Variants in SIX5 observed in about 807,000 individuals in gnomAD.
The protein encoded by SIX5 is homeobox protein SIX5.
In SIX5, 21 loss-of-function variants were observed where a neutral mutation model predicts 37.1. That is an observed-to-expected ratio of 0.57 (90% CI 0.40 to 0.81). SIX5 has a LOEUF of 0.81. Among genes scored for constraint, SIX5 ranks in the 40% least tolerant of loss-of-function variants. The pLI is 0.00. For missense variants in SIX5, 1,137 were observed against 1,025.1 expected, an observed-to-expected ratio of 1.11 and a Z score of -1.49; for synonymous variants, 626 against 505.9, an observed-to-expected ratio of 1.24 and a Z score of -3.19.
In SIX5 at chr19:45,765,871, A is replaced by T; in HGVS notation, c.1850T>A (p.Leu617His). The change falls in exon 3 of 3, where the codon CTT becomes CAT. Residue 617 changes from leucine (L) to histidine (H), a missense_variant. Transcript: ENST00000317578. ...ALPEAHALGT[L>H]SAQQPPPAAA... ...GGCGGGGGGTGGCTGCTGTGCAGAA[A>T]GGGTGCCTAGGGCGTGAGCCTCTGG... The T allele has an allele frequency of 2.5e-6, 4 of 1,595,806 alleles. No homozygotes were observed. Among genetic ancestry groups the T allele is most frequent in the Non-Finnish European group, 3.4e-6 (4 of 1,175,550 alleles).
In SIX5 at chr19:45,765,257, T is replaced by C. The variant is rs934178908; in HGVS notation, c.*244A>G. 3 of 606,750 alleles carry C rather than the reference T, an allele frequency of 4.9e-6. No individual in the cohort carries two copies. Among genetic ancestry groups the C allele is most frequent in the South Asian group, 3.7e-5 (2 of 54,738 alleles). The allele number at this position is 606,750 out of a possible 1,614,324, so 37.6% of individuals were successfully genotyped here. A position where few individuals can be genotyped will look rare whatever the true frequency, so the allele number is the denominator to read the frequency against. ...CAGGACCCTGAGTCCCCCACGTATA[T>C]GGCAGGGCACAGCATGGGGAGGGCT... On this transcript the variant is annotated 3_prime_UTR_variant, in exon 3 of 3. Transcript: ENST00000317578.
chr19:45,769,173 G>A lies in SIX5; in HGVS notation c.-329C>T, dbSNP rs1969171561. On this transcript the variant is annotated 5_prime_UTR_variant, in exon 1 of 3. Transcript: ENST00000317578. Reference sequence around the variant, plus strand: ...ATCGGGACAACGCAGAAGGTAACGGGCCGTCCAGGAGGACTAAGGGCGCGA... The same window carrying A: ...ATCGGGACAACGCAGAAGGTAACGGACCGTCCAGGAGGACTAAGGGCGCGA... 5.8e-6 allele frequency: 2 copies of A among 343,224 alleles called. No homozygotes were observed. The highest frequency in any genetic ancestry group is 4.5e-5 in the Admixed American group (1 of 22,016). The allele number at this position is 343,224 out of a possible 1,614,324, so 21.3% of individuals were successfully genotyped here.
In SIX5 at chr19:45,765,080, C is replaced by T. The variant is rs981162538; in HGVS notation, c.*421G>A. ...CTGCCTGTCCTCCACCTTCGGATTC[C>T]AGGCAGTTGTGACAACACCAGCTAT... On this transcript the variant is annotated 3_prime_UTR_variant, in exon 3 of 3. Transcript: ENST00000317578. 8.5e-6 allele frequency: 2 copies of T among 234,816 alleles called. No homozygotes were observed. Among genetic ancestry groups the T allele is most frequent in the African/African-American group, 4.4e-5 (2 of 45,182 alleles). 14.5% of individuals were successfully genotyped at this position (234,816 alleles called of 1,614,324 possible). A position where few individuals can be genotyped will look rare whatever the true frequency, so the allele number is the denominator to read the frequency against.
rs539885036 is a variant in SIX5 at position 45,766,269 on chromosome 19, C to T, written c.1609+81G>A. ...AGGGATGAGATGCCCTCCAGGAGCC[C>T]AGGGACAGCCCCTCCCTCTCCGAGA... On this transcript the variant is annotated intron_variant, in intron 2 of 2. Transcript: ENST00000317578. The T allele has an allele frequency of 1.1e-3, 1,630 of 1,498,902 alleles. 2 individuals are homozygous for T. The highest frequency in any genetic ancestry group is 1.4e-3 in the Non-Finnish European group (1,577 of 1,109,552). The allele number at this position is 1,498,902 out of a possible 1,614,324, so 92.9% of individuals were successfully genotyped here. A position where few individuals can be genotyped will look rare whatever the true frequency, so the allele number is the denominator to read the frequency against.
chr19:45,768,608 T>A lies in SIX5; in HGVS notation c.237A>T (p.Glu79Asp), dbSNP rs1360502644. ...VPGSPPEAASEPPTGLRFSPE... is the reference protein window; with the variant it reads ...VPGSPPEAASDPPTGLRFSPE... ...GCGAGAAGCGGAGGCCCGTGGGCGG[T>A]TCGGAAGCGGCCTCGGGGGGCGACC... Residue 79 changes from glutamate (E) to aspartate (D), a missense_variant, in exon 1 of 3, where the codon GAA (glutamate) becomes GAT (aspartate). By Grantham distance (45) the Glu-to-Asp change is conservative. This residue lies in a region of SIX5 where 331 missense variants were observed against 360.9 expected (regional missense o/e 0.92). Coordinates refer to ENST00000317578, the MANE Select transcript of SIX5 (RefSeq NM_175875.5). 4.8e-5 allele frequency: 62 copies of A among 1,293,566 alleles called. No homozygotes were observed. Among genetic ancestry groups the A allele is most frequent in the Non-Finnish European group, 6.0e-5 (62 of 1,029,400 alleles). 80.1% of individuals were successfully genotyped at this position (1,293,566 alleles called of 1,614,324 possible).
Position 45,766,085 on chromosome 19 carries a change from A to G in SIX5, c.1636T>C (p.Ser546Pro), listed in dbSNP as rs1969066981. 1 of 1,611,942 alleles carries G rather than the reference A, an allele frequency of 6.2e-7. No homozygotes were observed. The highest frequency in any genetic ancestry group is 1.3e-5 in the African/African-American group (1 of 74,852). The change falls in exon 3 of 3, where the codon TCT becomes CCT. Residue 546 changes from serine (S) to proline (P), a missense_variant. Physicochemically the swap from Ser to Pro is moderately conservative, Grantham distance 74. Transcript: ENST00000317578. ...ACACCCGTCACGATGGGGCTGCCAG[A>G]CACAGGGTTGGCCAGGAGGAAGTTT... ...PGNFLLANPVSGSPIVTGVAL... is the reference protein window; with the variant it reads ...PGNFLLANPVPGSPIVTGVAL...
Position 45,766,609 on chromosome 19 carries a change from G to A in SIX5, c.1350C>T (p.Ala450=), listed in dbSNP as rs1044180972. The A allele has an allele frequency of 3.0e-5, 44 of 1,469,456 alleles. No homozygotes were observed. Among genetic ancestry groups the A allele is most frequent in the Non-Finnish European group, 3.9e-5 (43 of 1,107,286 alleles). The allele number at this position is 1,469,456 out of a possible 1,614,324, so 91.0% of individuals were successfully genotyped here. A position where few individuals can be genotyped will look rare whatever the true frequency, so the allele number is the denominator to read the frequency against. The change falls in exon 2 of 3, where the codon GCC becomes GCT. Residue 450 remains alanine (A), a synonymous_variant. Transcript: ENST00000317578. ...LPPGPVPAVA[A]PQVVPLSPPP... is the part of the protein sequence containing the mutation. ...GTGGGGAGAGCGGTACCACTTGTGG[G>A]GCAGCCACAGCAGGCACTGGCCCCG...
At position 45,769,011 on chromosome 19, in the gene SIX5, C is replaced by T. The variant is rs549789995; in HGVS notation, c.-167G>A. The stretch of plus-strand genomic sequence containing the variant: ...CGGGAAGGCGAGATCCAGCTCTCCA[C>T]TCGGGTCTCTGTCCCCTTGTGTGTG... On this transcript the variant is annotated 5_prime_UTR_variant, in exon 1 of 3. In the 5' UTR this introduces an upstream ATG that the reference lacks. Coordinates refer to ENST00000317578, the MANE Select transcript of SIX5 (RefSeq NM_175875.5). The T allele has an allele frequency of 1.6e-6, 1 of 639,848 alleles. No individual in the cohort carries two copies. Among genetic ancestry groups the T allele is most frequent in the Middle Eastern group, 4.1e-4 (1 of 2,412 alleles). 39.6% of individuals were successfully genotyped at this position (639,848 alleles called of 1,614,324 possible). A position where few individuals can be genotyped will look rare whatever the true frequency, so the allele number is the denominator to read the frequency against.
rs1300823624 is a variant in SIX5, at chr19:45,766,929, T to C, written c.1030A>G (p.Ile344Val). 5 of 1,566,680 alleles carry C rather than the reference T, an allele frequency of 3.2e-6. No homozygotes were observed. Among genetic ancestry groups the C allele is most frequent in the East Asian group, 2.4e-5 (1 of 42,082 alleles). Residue 344 changes from isoleucine to valine, a missense_variant, in exon 2 of 3, where the codon ATC becomes GTC. Ile to Val is a conservative substitution (Grantham distance 29). This residue lies in a region of SIX5 where 787 missense variants were observed against 621.4 expected (regional missense o/e 1.27). Transcript: ENST00000317578. ...PAVLLNGGPV[I>V]INGLALGEAS... is the part of the protein sequence containing the mutation. ...TCGCCCAGGGCCAGGCCGTTGATGA[T>C]GACGGGGCCCCCGTTGAGGAGCACT...
At chr19:45,767,303 C>T in intron 1 of SIX5, 148 bp from the exon 2 acceptor site, 1 of 803,676 alleles carries the variant, frequency 1.2e-6, no homozygotes, top group Non-Finnish European at 2.0e-6. Flanking sequence ...ACTCCAAACT[C>T]CAGGGCCTTT....
chr19:45,766,747 C>T lies in SIX5; in HGVS notation c.1212G>A (p.Glu404=), dbSNP rs1361233637. 1.3e-6 allele frequency: 2 copies of T among 1,578,370 alleles called. No individual in the cohort carries two copies. The highest frequency in any genetic ancestry group is 1.7e-6 in the Non-Finnish European group (2 of 1,164,708). ...GAGCAGCCACCTGGGCCCCTTTGGT[C>T]TCAGGGGCCTCCGACTGAGCCTCCT... ...RLEEAQSEAP[E]TKGAQVAAPG... Residue 404 remains glutamate (E), a synonymous_variant, in exon 2 of 3, where the codon GAG becomes GAA. Coordinates refer to ENST00000317578, the MANE Select transcript of SIX5 (RefSeq NM_175875.5).
In SIX5 at chr19:45,768,953, G is replaced by C; in HGVS notation, c.-109C>G. The C allele has an allele frequency of 9.4e-7, 1 of 1,065,990 alleles. No individual in the cohort carries two copies. Among genetic ancestry groups the C allele is most frequent in the East Asian group, 3.0e-5 (1 of 32,802 alleles). 66.0% of individuals were successfully genotyped at this position (1,065,990 alleles called of 1,614,324 possible). A position where few individuals can be genotyped will look rare whatever the true frequency, so the allele number is the denominator to read the frequency against. On this transcript the variant is annotated 5_prime_UTR_variant, in exon 1 of 3. The change creates a new upstream start codon in the 5' untranslated region. Coordinates refer to ENST00000317578, the MANE Select transcript of SIX5 (RefSeq NM_175875.5). ...TTCGCCCCCACTCCCCGCTCTTCTC[G>C]ATCTTCTTTCTGGCCGACCCTGCGC...
rs1466748213 is a variant in SIX5, at chr19:45,768,367, G to A, written c.478C>T (p.Leu160=). The change falls in exon 1 of 3, where the codon CTG becomes TTG. Residue 160 remains leucine (L), a synonymous_variant. Transcript: ENST00000317578. ...CGCGCGCGCAGGTAGAGGTCCTGCA[G>A]GAAGGCGTGGTGGGCGGCGGGGAAG... ...RPFPAAHHAF[L]QDLYLRARYH... is the part of the protein sequence containing the mutation. 2.5e-6 allele frequency: 4 copies of A among 1,592,148 alleles called. No individual in the cohort carries two copies. Among genetic ancestry groups the A allele is most frequent in the African/African-American group, 1.3e-5 (1 of 74,672 alleles).
chr19:45,767,793 T>C (rs1969109565), intron 1 of SIX5: 4 of 544,772 alleles, frequency 7.3e-6, no homozygotes, highest in African/African-American at 1.9e-5. Context: ...CCAACACCGA[T>C]GGGATTTGGG....
chr19:45,766,135 G>A (rs775796800), intron 2 of SIX5, 24 bp from the exon 3 acceptor site: 11 of 1,604,554 alleles, frequency 6.9e-6, no homozygotes, highest in South Asian at 1.1e-5. Context: ...GGGACCGAGC[G>A]CAGGTGAGAG....
At chr19:45,767,180 TG>T in intron 1 of SIX5, 25 bp from the exon 2 acceptor site, 1 of 1,606,262 alleles carries the variant, frequency 6.2e-7, no homozygotes. Context: ...GGCTGTCAGC[TG>T]GGGTCCCTTA....
Position 45,765,162 on chromosome 19 carries a change from G to A in SIX5, c.*339C>T. 1 of 436,284 alleles carries A rather than the reference G, an allele frequency of 2.3e-6. No individual in the cohort carries two copies. Among genetic ancestry groups the A allele is most frequent in the Non-Finnish European group, 4.3e-6 (1 of 233,718 alleles). The allele number at this position is 436,284 out of a possible 1,614,324, so 27.0% of individuals were successfully genotyped here. On this transcript the variant is annotated 3_prime_UTR_variant, in exon 3 of 3. Transcript: ENST00000317578. Reference sequence around the variant, plus strand: ...GACAGGGAGAGGGCTCTGGGGGCTGGAAGTCCGGCCCTGGGGCAGGGTGTT... The same window carrying A: ...GACAGGGAGAGGGCTCTGGGGGCTGAAAGTCCGGCCCTGGGGCAGGGTGTT...
chr19:45,765,947 C>T lies in SIX5; in HGVS notation c.1774G>A (p.Ala592Thr), dbSNP rs752592016. The change falls in exon 3 of 3, where the codon GCC (alanine) becomes ACC (threonine). Residue 592 changes from alanine to threonine, a missense_variant. This residue lies in a region of SIX5 where 787 missense variants were observed against 621.4 expected (regional missense o/e 1.27). Transcript: ENST00000317578. Reference sequence around the variant, plus strand: ...AGGCCTCCCTCAGGCACGGAGATGGCCGTCTCTGGCTTCAGTGGCAGGGCC... The same window carrying T: ...AGGCCTCCCTCAGGCACGGAGATGGTCGTCTCTGGCTTCAGTGGCAGGGCC... ...GLALPLKPET[A>T]ISVPEGGLPV... The T allele has an allele frequency of 2.0e-5, 32 of 1,594,872 alleles. No homozygotes were observed. In the South Asian group the frequency reaches 3.6e-4, roughly 18 times the overall value.
At position 45,765,807 on chromosome 19, in the gene SIX5, A is replaced by G. The variant is rs1969058320; in HGVS notation, c.1914T>C (p.Pro638=). Residue 638 remains proline, a synonymous_variant, in exon 3 of 3, where the codon CCT becomes CCC. Coordinates refer to ENST00000317578, the MANE Select transcript of SIX5 (RefSeq NM_175875.5). The stretch of plus-strand genomic sequence containing the variant: ...AGTTGGGCAGGAGGCCAGGGGAGTC[A>G]GGGGAGAAGGGCAGGCTGGTGCTGG... ...TTSSTSLPFS[P]DSPGLLPNFP... 6.2e-7 allele frequency: 1 copy of G among 1,604,054 alleles called. No homozygotes were observed. Among genetic ancestry groups the G allele is most frequent in the Non-Finnish European group, 8.5e-7 (1 of 1,179,794 alleles).
Sources: allele counts gnomAD v4.1 joint callset, GRCh38; gene constraint gnomAD v4.1.1; regional missense constraint gnomAD v4.1.1; transcripts MANE v1.5; gene names NCBI Gene and HGNC (gene_info 2026-07-23, HGNC 2026-07-21).